SIPA1L2: variants seen among roughly 807,000 people sequenced by gnomAD.
SIPA1L2 encodes signal-induced proliferation-associated 1-like protein 2.
Under a neutral mutation model 163.9 loss-of-function variants are expected in SIPA1L2, and 56 were observed. The observed-to-expected ratio is 0.34, with a 90% CI of 0.28 to 0.43. SIPA1L2 has a LOEUF of 0.43. Ranked by LOEUF, SIPA1L2 falls within the 20% of genes least tolerant of loss-of-function variation. The pLI, the probability that SIPA1L2 is intolerant of heterozygous loss-of-function variation, is 1.00. For synonymous variants in SIPA1L2, 877 were observed against 865.7 expected (o/e 1.01, Z -0.23); for missense variants, 1,974 against 2,193.5 (o/e 0.90, Z 2.00).
chr1:232,419,921 C>T (rs958178594), intron 18 of SIPA1L2, among the ~76,000 whole-genome samples: 2 of 152,172 alleles, frequency 1.3e-5, no homozygotes, highest in Admixed American at 6.5e-5. Flanking sequence ...ACATCAGAAC[C>T]TAGGGAGAGA....
chr1:232,515,880 G>A (rs1160079383), intron 2 of SIPA1L2, among the ~76,000 whole-genome samples: 1 of 152,100 alleles, frequency 6.6e-6, no homozygotes, highest in Non-Finnish European at 1.5e-5. Flanking sequence ...AGAATGTTGT[G>A]ATCCCACAGC....
intron 2 of SIPA1L2, among the ~76,000 whole-genome samples, chr1:232,553,050 G>C (rs991045552): frequency 1.3e-5 from 2 of 152,180 alleles, no homozygotes; most frequent in Admixed American, 1.3e-4. Context: ...CTTGGTACTC[G>C]GGTTCTTGTC....
intron 2 of SIPA1L2, among the ~76,000 whole-genome samples, chr1:232,564,237 T>G (rs1379862066): frequency 2.6e-4 from 1 of 3,828 alleles, no homozygotes; most frequent in Admixed American, 4.0e-3. Context: ...TTTTTTTTCG[T>G]GTGTGTGTGT....
chr1:232,515,801 T>C (rs920330127), intron 2 of SIPA1L2, among the ~76,000 whole-genome samples, 193 bp from the exon 3 acceptor site: 3 of 152,228 alleles, frequency 2.0e-5, no homozygotes, highest in South Asian at 2.1e-4. Context: ...ATTCACACCA[T>C]ACAATCAGGT....
chr1:232,497,389 G>A (rs563666704), intron 3 of SIPA1L2, among the ~76,000 whole-genome samples: 12 of 142,088 alleles, frequency 8.4e-5, no homozygotes, highest in African/African-American at 3.1e-4. Flanking sequence ...CCTTGCAAAT[G>A]GACCGGGGCC....
At chr1:232,517,084 G>A (rs1372074979) in intron 2 of SIPA1L2, among the ~76,000 whole-genome samples, 1 of 152,068 alleles carries the variant, frequency 6.6e-6, no homozygotes, top group African/African-American at 2.4e-5. Flanking sequence ...TTATTTTACA[G>A]GTCACTTGTG....
chr1:232,462,307 C>A, intron 9 of SIPA1L2: 2 of 1,548,508 alleles, frequency 1.3e-6, no homozygotes, highest in East Asian at 4.9e-5. Context: ...TACTCCTATC[C>A]CCAAAAGCCC....
chr1:232,459,744 C>T (rs887122250), intron 10 of SIPA1L2, among the ~76,000 whole-genome samples: 2 of 152,074 alleles, frequency 1.3e-5, no homozygotes, highest in African/African-American at 4.8e-5. Flanking sequence ...AACTCCTGGG[C>T]TCAAGCGATC....
At chr1:232,420,967 G>C (rs977734239) in intron 18 of SIPA1L2, among the ~76,000 whole-genome samples, 2 of 152,212 alleles carry the variant, frequency 1.3e-5, no homozygotes, top group Non-Finnish European at 2.9e-5. Flanking sequence ...ATGGAAACCC[G>C]AACCAATTTT....
intron 3 of SIPA1L2, 81 bp downstream of exon 3, chr1:232,513,776 C>T: frequency 2.1e-6 from 3 of 1,452,666 alleles, no homozygotes; most frequent in Non-Finnish European, 2.8e-6. Context: ...GGAAGGTGCT[C>T]CAACACAAAG....
intron 18 of SIPA1L2, among the ~76,000 whole-genome samples, chr1:232,417,492 A>C (rs1161915099): frequency 6.6e-6 from 1 of 152,108 alleles, no homozygotes; most frequent in African/African-American, 2.4e-5. Flanking sequence ...CCAAGAGGTT[A>C]ACCAGCAGAG....
rs1661858184 is a variant in SIPA1L2, at chr1:232,425,737, G to A, written c.4482C>T (p.Ser1494=). Residue 1494 remains serine, a synonymous_variant, in exon 18 of 23, where the codon AGC becomes AGT. Transcript: ENST00000674635. ...TGCCAAAGGAGGACCCCCTCCTGTT[G>A]CTGCAGATGCTCTCGTCAGACAGCG... ...YRTLSDESIC[S]NRRGSSFGSS... 2 of 1,614,142 alleles carry A rather than the reference G, an allele frequency of 1.2e-6. No individual in the cohort carries two copies. The highest frequency in any genetic ancestry group is 2.2e-5 in the South Asian group (2 of 91,054).
At chr1:232,498,612 T>C (rs910939929) in intron 3 of SIPA1L2, among the ~76,000 whole-genome samples, 5 of 152,216 alleles carry the variant, frequency 3.3e-5, no homozygotes, top group African/African-American at 4.8e-5. Context: ...CTCCAGCTTC[T>C]AGACCTACAT....
intron 7 of SIPA1L2, 140 bp from the exon 8 acceptor site, chr1:232,471,668 G>A: frequency 1.3e-6 from 1 of 780,514 alleles, no homozygotes; most frequent in Non-Finnish European, 1.8e-6. Context: ...CCTAAATTTG[G>A]CATAGAAAAA....
At chr1:232,610,946 T>C (rs527326982) in intron 1 of SIPA1L2, among the ~76,000 whole-genome samples, 2 of 152,322 alleles carry the variant, frequency 1.3e-5, no homozygotes, top group Non-Finnish European at 2.9e-5. Flanking sequence ...CTGACTGATA[T>C]GGTTTGGCTC....
intron 1 of SIPA1L2, among the ~76,000 whole-genome samples, chr1:232,599,877 A>G (rs763026113): frequency 3.3e-5 from 5 of 152,248 alleles, no homozygotes; most frequent in Non-Finnish European, 7.3e-5. Context: ...TATTAACCAC[A>G]TATCTACCTA....
chr1:232,576,230 G>C (rs191226902), intron 1 of SIPA1L2, among the ~76,000 whole-genome samples: 2 of 152,332 alleles, frequency 1.3e-5, no homozygotes, highest in Admixed American at 6.5e-5. Context: ...CTGGAGGTTT[G>C]TGGCAACCCT....
At chr1:232,595,294 C>T (rs898542311) in intron 1 of SIPA1L2, among the ~76,000 whole-genome samples, 12 of 152,208 alleles carry the variant, frequency 7.9e-5, no homozygotes, top group South Asian at 4.1e-4. Context: ...CACAAAGCCT[C>T]GGGGCAACAA....
intron 10 of SIPA1L2, among the ~76,000 whole-genome samples, chr1:232,447,782 C>A (rs1430269264): frequency 6.6e-6 from 1 of 152,180 alleles, no homozygotes; most frequent in Non-Finnish European, 1.5e-5. Flanking sequence ...ACTGATCGAA[C>A]CTTTAACTAA....
Sources: allele counts gnomAD v4.1 joint callset (sites outside exome capture counted in the v4.1 genomes callset), GRCh38; gene constraint gnomAD v4.1.1; transcripts MANE v1.5; gene names NCBI Gene and HGNC (gene_info 2026-07-23, HGNC 2026-07-21).